AGBL4: variants seen among roughly 807,000 people sequenced by gnomAD.
AGBL4 encodes cytosolic carboxypeptidase 6.
In AGBL4, 58 loss-of-function variants were observed where a neutral mutation model predicts 66.4. The observed-to-expected ratio is 0.87, with a 90% confidence interval of 0.71 to 1.09. The LOEUF is 1.09. Ranked by LOEUF, AGBL4 falls within the 50% of genes least tolerant of loss-of-function variation. The pLI is 0.00. For synonymous variants in AGBL4, 234 were observed against 222.9 expected, an observed-to-expected ratio of 1.05 and a Z score of -0.44; for missense variants, 579 against 631.0, an observed-to-expected ratio of 0.92 and a Z score of 0.88.
At chr1:49,678,533 TGAAG>T (rs1646624907) in intron 3 of AGBL4, among the ~76,000 whole-genome samples, 1 of 152,148 alleles carries the variant, frequency 6.6e-6, no homozygotes, top group Non-Finnish European at 1.5e-5. Context: ...ATGATTTCTT[TGAAG>T]GAAGGAGCTT....
chr1:49,436,225 G>A (rs1645899668), intron 3 of AGBL4, among the ~76,000 whole-genome samples: 1 of 152,168 alleles, frequency 6.6e-6, no homozygotes, highest in African/African-American at 2.4e-5. Context: ...GAGTTTGAAA[G>A]AGAGTGGTCA....
intron 3 of AGBL4, among the ~76,000 whole-genome samples, chr1:49,262,311 T>C (rs921275115): frequency 1.3e-5 from 2 of 152,166 alleles, no homozygotes; most frequent in Non-Finnish European, 2.9e-5. Flanking sequence ...AAATGGGATC[T>C]AATTAAACTA....
chr1:49,718,271 C>T (rs566997515), intron 2 of AGBL4, among the ~76,000 whole-genome samples: 3 of 151,986 alleles, frequency 2.0e-5, no homozygotes, highest in African/African-American at 7.2e-5. Context: ...AAGAGTGTAG[C>T]ATCTCACCAT....
chr1:49,938,460 A>C (rs1170492851), intron 1 of AGBL4, among the ~76,000 whole-genome samples: 1 of 152,308 alleles, frequency 6.6e-6, no homozygotes, highest in East Asian at 1.9e-4. Context: ...TATTCCAATC[A>C]ACAGAAAAAG....
intron 6 of AGBL4, among the ~76,000 whole-genome samples, chr1:48,813,846 T>C (rs901321613): frequency 6.6e-6 from 1 of 151,856 alleles, no homozygotes; most frequent in Non-Finnish European, 1.5e-5. Flanking sequence ...GGTAGCTTTT[T>C]TTTTTTTTCA....
intron 4 of AGBL4, among the ~76,000 whole-genome samples, chr1:49,160,563 C>A (rs1203321310): frequency 6.6e-6 from 1 of 152,136 alleles, no homozygotes; most frequent in Non-Finnish European, 1.5e-5. Flanking sequence ...TGACCCTTAG[C>A]AGAGTTCGAA....
chr1:48,661,834 A>T (rs1333756745), intron 7 of AGBL4, among the ~76,000 whole-genome samples: 1 of 152,202 alleles, frequency 6.6e-6, no homozygotes, highest in East Asian at 1.9e-4. Context: ...GGGGGAAGAG[A>T]TCTGCTGCCA....
chr1:49,828,518 C>G (rs778176007), intron 2 of AGBL4, among the ~76,000 whole-genome samples: 4 of 152,086 alleles, frequency 2.6e-5, no homozygotes, highest in Non-Finnish European at 4.4e-5. Flanking sequence ...TGGAAACAGG[C>G]AGAAAGTCAC....
At chr1:49,437,625 G>A (rs1456038889) in intron 3 of AGBL4, among the ~76,000 whole-genome samples, 2 of 152,142 alleles carry the variant, frequency 1.3e-5, no homozygotes, top group African/African-American at 4.8e-5. Context: ...TATAAGCTAT[G>A]ATAAGCACTT....
chr1:48,558,890 T>C (rs2148294640), intron 11 of AGBL4, among the ~76,000 whole-genome samples: 1 of 152,346 alleles, frequency 6.6e-6, no homozygotes. Flanking sequence ...ATACAAGATG[T>C]TGGAGTTTGT....
At chr1:49,665,398 G>A (rs539917316) in intron 3 of AGBL4, among the ~76,000 whole-genome samples, 1 of 152,038 alleles carries the variant, frequency 6.6e-6, no homozygotes, top group South Asian at 2.1e-4. Flanking sequence ...ATTAGGCTAG[G>A]CAAGTTATTT....
chr1:48,761,245 C>T, intron 6 of AGBL4: 2 of 1,316,364 alleles, frequency 1.5e-6, no homozygotes, highest in Middle Eastern at 1.9e-4. Context: ...GGGACATTTA[C>T]ATGGGGAGAG....
intron 5 of AGBL4, among the ~76,000 whole-genome samples, chr1:48,944,185 TG>T (rs1203497793): frequency 6.6e-6 from 1 of 151,990 alleles, no homozygotes; most frequent in Non-Finnish European, 1.5e-5. Flanking sequence ...CAGATGGTGG[TG>T]GGGTGGCCAG....
intron 4 of AGBL4, among the ~76,000 whole-genome samples, chr1:49,164,412 A>G (rs987151098): frequency 3.3e-5 from 5 of 152,176 alleles, no homozygotes; most frequent in Admixed American, 6.5e-5. Context: ...TGCTGCTGCT[A>G]TATAAAATGA....
At chr1:48,870,471 A>G (rs72891865) in intron 5 of AGBL4, among the ~76,000 whole-genome samples, 1,985 of 152,292 alleles carry the variant, frequency 0.013, 42 homozygotes, top group African/African-American at 0.044. Flanking sequence ...TGTTTCAACT[A>G]TGCTGTTATG....
At chr1:49,024,597 C>A (rs1284873872) in intron 5 of AGBL4, among the ~76,000 whole-genome samples, 1 of 152,136 alleles carries the variant, frequency 6.6e-6, no homozygotes, top group Non-Finnish European at 1.5e-5. Flanking sequence ...GTACCAGCTT[C>A]ATAAAGTTGC....
chr1:49,516,424 G>C (rs1649829944), intron 3 of AGBL4, among the ~76,000 whole-genome samples: 1 of 152,072 alleles, frequency 6.6e-6, no homozygotes, highest in Non-Finnish European at 1.5e-5. Flanking sequence ...AAAGAGGTGT[G>C]CTGTCTCCCA....
chr1:48,645,385 T>C (rs1193172340), intron 8 of AGBL4, among the ~76,000 whole-genome samples: 9 of 152,166 alleles, frequency 5.9e-5, no homozygotes, highest in Non-Finnish European at 1.3e-4. Context: ...GAGTGATTCC[T>C]GCCCTGCCTA....
At chr1:49,460,843 C>T (rs1646496127) in intron 3 of AGBL4, among the ~76,000 whole-genome samples, 1 of 151,566 alleles carries the variant, frequency 6.6e-6, no homozygotes, top group South Asian at 2.1e-4. Flanking sequence ...CTGTATCTTT[C>T]CTTCATTTAT....
Sources: allele counts gnomAD v4.1 joint callset (sites outside exome capture counted in the v4.1 genomes callset), GRCh38; gene constraint gnomAD v4.1.1; transcripts MANE v1.5; gene names NCBI Gene and HGNC (gene_info 2026-07-23, HGNC 2026-07-21).